LINC00237: variants seen among roughly 807,000 people sequenced by gnomAD.
LINC00237 encodes long independently transcribed non-coding RNA 237, also known as long intergenic non-protein coding RNA 237.
At chr20:21,091,527 A>G (rs1037532806) in intron 2 of LINC00237, among the ~76,000 whole-genome samples, 5 of 152,046 alleles carry the variant, frequency 3.3e-5, no homozygotes, top group Non-Finnish European at 7.4e-5. Context: ...TGTGACTTCC[A>G]TTTCCCTCCA....
intron 1 of LINC00237, among the ~76,000 whole-genome samples, chr20:21,100,194 AGGG>A (rs2030911165): frequency 6.6e-6 from 1 of 152,028 alleles, no homozygotes; most frequent in Non-Finnish European, 1.5e-5. Context: ...TCAAGTTTTT[AGGG>A]ATGCCCGTAG....
intron 1 of LINC00237, among the ~76,000 whole-genome samples, chr20:21,105,013 A>T (rs2030980185): frequency 6.6e-6 from 1 of 152,256 alleles, no homozygotes; most frequent in South Asian, 2.1e-4. Context: ...CCAACCTAGG[A>T]AGCTTCCATC....
At chr20:21,098,366 G>GA (rs2030886883) in intron 1 of LINC00237, among the ~76,000 whole-genome samples, 2 of 152,088 alleles carry the variant, frequency 1.3e-5, no homozygotes, top group African/African-American at 4.8e-5. Context: ...GCTCTATGGG[G>GA]AAAAAAACTA....
At chr20:21,086,945 T>TAC (rs2030719061) in intron 3 of LINC00237, among the ~76,000 whole-genome samples, 1 of 138,546 alleles carries the variant, frequency 7.2e-6, no homozygotes, top group Non-Finnish European at 1.6e-5. Flanking sequence ...CTATATATAG[T>TAC]ATATATGTAC....
chr20:21,086,853 CTATA>C (rs1192695997), intron 3 of LINC00237, among the ~76,000 whole-genome samples: 1 of 124,702 alleles, frequency 8.0e-6, no homozygotes, highest in African/African-American at 3.0e-5. Flanking sequence ...ATAGTATACA[CTATA>C]TATGTATATA....
chr20:21,099,438 T>G (rs1302489479), intron 1 of LINC00237, among the ~76,000 whole-genome samples: 1 of 152,202 alleles, frequency 6.6e-6, no homozygotes, highest in Non-Finnish European at 1.5e-5. Flanking sequence ...GTGGCAACTG[T>G]GAGCCTTCCT....
chr20:21,095,460 C>G (rs947454396), intron 1 of LINC00237, among the ~76,000 whole-genome samples: 4 of 152,118 alleles, frequency 2.6e-5, no homozygotes, highest in Admixed American at 6.6e-5. Context: ...ATTCATTAAG[C>G]AGCAACAGAT....
intron 1 of LINC00237, among the ~76,000 whole-genome samples, chr20:21,100,601 T>G (rs1045680139): frequency 6.6e-6 from 1 of 152,144 alleles, no homozygotes; most frequent in African/African-American, 2.4e-5. Context: ...ATTTTTTTTT[T>G]CTTTTTGTTC....
intron 2 of LINC00237, among the ~76,000 whole-genome samples, chr20:21,091,646 G>A (rs527471077): frequency 7.9e-5 from 12 of 152,264 alleles, no homozygotes; most frequent in South Asian, 2.1e-4. Flanking sequence ...CATTAGGACC[G>A]TCTCAACCAA....
At chr20:21,099,702 A>C (rs577415425) in intron 1 of LINC00237, among the ~76,000 whole-genome samples, 1 of 152,226 alleles carries the variant, frequency 6.6e-6, no homozygotes, top group South Asian at 2.1e-4. Flanking sequence ...CTTAATGATA[A>C]TTACTTATTT....
chr20:21,090,925 T>C (rs1303467598), intron 2 of LINC00237, among the ~76,000 whole-genome samples: 2 of 152,208 alleles, frequency 1.3e-5, no homozygotes, highest in Admixed American at 1.3e-4. Flanking sequence ...TTATCCGATA[T>C]GTTGCTGGGT....
chr20:21,103,658 A>G (rs899810864), intron 1 of LINC00237, among the ~76,000 whole-genome samples: 2 of 152,174 alleles, frequency 1.3e-5, no homozygotes, highest in African/African-American at 4.8e-5. Context: ...GGTGTTTCCC[A>G]TTATACCCGA....
At chr20:21,098,858 G>T (rs1338666213) in intron 1 of LINC00237, among the ~76,000 whole-genome samples, 2 of 152,222 alleles carry the variant, frequency 1.3e-5, no homozygotes, top group African/African-American at 4.8e-5. Flanking sequence ...GCAATGTGCA[G>T]GTTGCACGAA....
intron 1 of LINC00237, among the ~76,000 whole-genome samples, chr20:21,104,853 G>T (rs925237193): frequency 6.6e-6 from 1 of 152,214 alleles, no homozygotes; most frequent in East Asian, 1.9e-4. Context: ...ACACACAGGC[G>T]CGTACACACA....
At chr20:21,086,685 A>ATATGTATAGTATACTATATATAGTATAC (rs374333750) in intron 3 of LINC00237, among the ~76,000 whole-genome samples, 1 of 94,980 alleles carries the variant, frequency 1.1e-5, no homozygotes, top group African/African-American at 5.0e-5. Context: ...AGTATACTAC[A>ATATGTATAGTATACTATATATAGTATAC]TATACATATG....
At chr20:21,089,956 T>C (rs2030769997) in intron 2 of LINC00237, 1 of 152,192 alleles carries the variant, frequency 6.6e-6, no homozygotes, top group South Asian at 2.1e-4. Flanking sequence ...TGTAATGAAA[T>C]ACAGCAATAC....
chr20:21,092,418 C>A (rs1600311189), intron 2 of LINC00237, among the ~76,000 whole-genome samples: 1 of 152,136 alleles, frequency 6.6e-6, no homozygotes, highest in African/African-American at 2.4e-5. Flanking sequence ...TACAAATTTA[C>A]AAGAAATTGT....
At chr20:21,103,752 A>G (rs2030962673) in intron 1 of LINC00237, among the ~76,000 whole-genome samples, 1 of 152,150 alleles carries the variant, frequency 6.6e-6, no homozygotes, top group Admixed American at 6.5e-5. Flanking sequence ...GGAGACAGGA[A>G]AAGGTAGCAC....
rs148316855 is a variant in LINC00237, at chr20:21,090,933, G to A, written n.472+2536C>T. On this transcript the variant is annotated intron_variant and non_coding_transcript_variant, in intron 2 of 3. Transcript: ENST00000691244. The stretch of plus-strand genomic sequence containing the variant: ...TTATGTGTTATCCGATATGTTGCTG[G>A]GTATCTTGATCTTTGCCCGGGTCTT... Among the ~76,000 whole-genome samples, 95 of 152,184 alleles carry A rather than the reference G, an allele frequency of 6.2e-4. 1 individual carries two copies. The highest frequency in any genetic ancestry group is 3.0e-3 in the Admixed American group (46 of 15,282).
Sources: allele counts gnomAD v4.1 joint callset (sites outside exome capture counted in the v4.1 genomes callset), GRCh38; gene constraint gnomAD v4.1.1; transcripts MANE v1.5; gene names NCBI Gene and HGNC (gene_info 2026-07-23, HGNC 2026-07-21).